The following NDUFS4 variants were observed in gnomAD, a reference collection of about 807,000 sequenced individuals.
NDUFS4 encodes NADH:ubiquinone oxidoreductase subunit S4.
In NDUFS4, 28 loss-of-function variants were observed where a neutral mutation model predicts 24.3. That is an observed-to-expected ratio of 1.15 (90% CI 0.85 to 1.58). The LOEUF (loss-of-function observed/expected upper bound fraction) is 1.58. Ranked by LOEUF, NDUFS4 falls within the 40% of genes most tolerant of loss-of-function variation. The pLI, the probability that NDUFS4 is intolerant of heterozygous loss-of-function variation, is 0.00. For missense variants in NDUFS4, 223 were observed against 207.9 expected (o/e 1.07, Z -0.45); for synonymous variants, 93 against 69.7 (o/e 1.34, Z -1.67).
intron 1 of NDUFS4, among the ~76,000 whole-genome samples, chr5:53,570,944 A>G (rs939454582): frequency 2.6e-5 from 4 of 152,020 alleles, no homozygotes; most frequent in African/African-American, 9.7e-5. Context: ...TCGGCCTCCC[A>G]AAGCGCTGGA....
chr5:53,675,583 G>A (rs256098), intron 4 of NDUFS4, among the ~76,000 whole-genome samples: 37,733 of 152,024 alleles, frequency 0.25, 6,071 homozygotes, highest in East Asian at 0.46. Context: ...GTCACACAGA[G>A]TTTATAACTT....
Position 53,561,220 on chromosome 5 carries a change from G to A in NDUFS4, c.98+460G>A, listed in dbSNP as rs550089004. 3.3e-5 allele frequency among the ~76,000 whole-genome samples: 5 copies of A among 152,244 alleles called. No individual in the cohort carries two copies. The East Asian group carries it at 7.7e-4, about 24-fold the overall frequency. On this transcript the variant is annotated intron_variant, in intron 1 of 4. Coordinates refer to ENST00000296684, the MANE Select transcript of NDUFS4 (RefSeq NM_002495.4). ...TGGTTTTAATTTGGTTTCTGCATAG[G>A]AAGATTGTTTATTCATCAGTCTGCT...
chr5:53,634,988 G>A (rs1225485399), intron 2 of NDUFS4, among the ~76,000 whole-genome samples: 3 of 151,862 alleles, frequency 2.0e-5, no homozygotes, highest in African/African-American at 7.3e-5. Flanking sequence ...TCAAGCGTTC[G>A]AGACCAGCCT....
At chr5:53,669,170 C>A (rs142904798) in intron 4 of NDUFS4, among the ~76,000 whole-genome samples, 1 of 152,126 alleles carries the variant, frequency 6.6e-6, no homozygotes, top group African/African-American at 2.4e-5. Context: ...TAAACTGTTA[C>A]GTATACTGCC....
chr5:53,672,235 A>G (rs1740295585), intron 4 of NDUFS4, among the ~76,000 whole-genome samples: 1 of 145,798 alleles, frequency 6.9e-6, no homozygotes, highest in Admixed American at 6.9e-5. Flanking sequence ...AAAACAAAAC[A>G]AAAAAAAAAA....
chr5:53,596,065 C>T lies in NDUFS4; in HGVS notation c.99-7387C>T, dbSNP rs186279758. On this transcript the variant is annotated intron_variant, in intron 1 of 4. Coordinates refer to ENST00000296684, the MANE Select transcript of NDUFS4 (RefSeq NM_002495.4). ...AACAAATTATCTTCACTATTGTTTT[C>T]TCTAATTTAAACAAAGCATTTGTGG... 3.5e-3 allele frequency among the ~76,000 whole-genome samples: 534 copies of T among 152,230 alleles called. 1 individual carries two copies. The highest frequency in any genetic ancestry group is 0.017 in the Middle Eastern group (5 of 294).
At chr5:53,575,740 C>T (rs1749364779) in intron 1 of NDUFS4, among the ~76,000 whole-genome samples, 1 of 151,720 alleles carries the variant, frequency 6.6e-6, no homozygotes, top group Non-Finnish European at 1.5e-5. Flanking sequence ...GGGGGTTTCA[C>T]CATGATGGCC....
intron 1 of NDUFS4, among the ~76,000 whole-genome samples, chr5:53,585,391 G>A (rs975405590): frequency 6.6e-6 from 1 of 151,958 alleles, no homozygotes; most frequent in Non-Finnish European, 1.5e-5. Flanking sequence ...ACAGTATGAG[G>A]GCCTGTAAAA....
chr5:53,586,494 TGTTTA>T (rs1264619150), intron 1 of NDUFS4, among the ~76,000 whole-genome samples: 2 of 139,972 alleles, frequency 1.4e-5, no homozygotes, highest in Middle Eastern at 3.6e-3. Context: ...GAAAATGAAT[TGTTTA>T]GTTAGTTAGT....
chr5:53,618,178 A>G lies in NDUFS4; in HGVS notation c.177+14648A>G, dbSNP rs77741460. Reference sequence around the variant, plus strand: ...TCCTAGCTACCTGGGAGACTGAGGCAGGAGCTGAACTATTAATACTCAGGA... The same window carrying G: ...TCCTAGCTACCTGGGAGACTGAGGCGGGAGCTGAACTATTAATACTCAGGA... On this transcript the variant is annotated intron_variant, in intron 2 of 4. Transcript: ENST00000296684. 5.3e-3 allele frequency among the ~76,000 whole-genome samples: 802 copies of G among 152,272 alleles called. 9 individuals carry two copies. Among genetic ancestry groups the G allele is most frequent in the Non-Finnish European group, 6.1e-3 (414 of 67,994 alleles).
At chr5:53,627,516 T>C (rs1169339854) in intron 2 of NDUFS4, among the ~76,000 whole-genome samples, 1 of 152,226 alleles carries the variant, frequency 6.6e-6, no homozygotes, top group Non-Finnish European at 1.5e-5. Context: ...TCCATGAGCA[T>C]GGAATGTTCT....
intron 1 of NDUFS4, among the ~76,000 whole-genome samples, chr5:53,579,979 C>T (rs1003832966): frequency 3.3e-5 from 5 of 152,168 alleles, no homozygotes; most frequent in African/African-American, 4.8e-5. Flanking sequence ...TTCCTGCTGA[C>T]ACATTGATAT....
At chr5:53,599,432 A>G (rs1750242375) in intron 1 of NDUFS4, among the ~76,000 whole-genome samples, 4 of 152,090 alleles carry the variant, frequency 2.6e-5, no homozygotes, top group Admixed American at 2.6e-4. Flanking sequence ...TTCTGTTTTT[A>G]TATACTAAAA....
chr5:53,665,301 T>C (rs944712523), intron 4 of NDUFS4, among the ~76,000 whole-genome samples: 12 of 152,128 alleles, frequency 7.9e-5, no homozygotes, highest in African/African-American at 2.4e-4. Context: ...AGGCAGTCTG[T>C]CCGTTCTCAG....
chr5:53,642,031 C>T (rs1751719135), intron 2 of NDUFS4, among the ~76,000 whole-genome samples: 1 of 152,066 alleles, frequency 6.6e-6, no homozygotes, highest in Non-Finnish European at 1.5e-5. Context: ...CTAGGAAAAG[C>T]ATGATAAAAG....
At chr5:53,586,528 A>G (rs574254024) in intron 1 of NDUFS4, among the ~76,000 whole-genome samples, 10 of 152,010 alleles carry the variant, frequency 6.6e-5, no homozygotes, top group Non-Finnish European at 8.8e-5. Flanking sequence ...TTGTTTGTTT[A>G]TTTATTTATT....
At chr5:53,614,205 T>A (rs1214481180) in intron 2 of NDUFS4, among the ~76,000 whole-genome samples, 1 of 151,932 alleles carries the variant, frequency 6.6e-6, no homozygotes, top group African/African-American at 2.4e-5. Context: ...ATTTTTCAAA[T>A]GTAATTATTT....
chr5:53,625,770 T>G (rs914493865), intron 2 of NDUFS4, among the ~76,000 whole-genome samples: 3 of 152,226 alleles, frequency 2.0e-5, no homozygotes, highest in Admixed American at 2.0e-4. Flanking sequence ...ATCTTTTTTC[T>G]TGAAATCTTT....
At chr5:53,565,332 CTA>C (rs758016315) in intron 1 of NDUFS4, among the ~76,000 whole-genome samples, 7 of 152,216 alleles carry the variant, frequency 4.6e-5, no homozygotes, top group Non-Finnish European at 7.3e-5. Context: ...TATGCTGACT[CTA>C]TTTTATATAC....
Sources: allele counts gnomAD v4.1 joint callset (sites outside exome capture counted in the v4.1 genomes callset), GRCh38; gene constraint gnomAD v4.1.1; transcripts MANE v1.5; gene names NCBI Gene and HGNC (gene_info 2026-07-23, HGNC 2026-07-21).